GRM8: variants seen among roughly 807,000 people sequenced by gnomAD.
The protein encoded by GRM8 is glutamate metabotropic receptor 8, also known as metabotropic glutamate receptor 8.
In GRM8, 47 loss-of-function variants were observed where a neutral mutation model predicts 87.2. The ratio of observed to expected loss-of-function variants is 0.54; its 90% confidence interval spans 0.43 to 0.69. The LOEUF (loss-of-function observed/expected upper bound fraction) is 0.69. Among genes scored for constraint, GRM8 ranks in the 30% least tolerant of loss-of-function variants. GRM8 has a pLI of 0.00. For synonymous variants in GRM8, 396 were observed against 404.5 expected, an observed-to-expected ratio of 0.98 and a Z score of 0.25; for missense variants, 1,019 against 1,139.2, an observed-to-expected ratio of 0.89 and a Z score of 1.52.
intron 1 of GRM8, among the ~76,000 whole-genome samples, chr7:127,248,414 G>A (rs371766802): frequency 6.6e-6 from 1 of 152,190 alleles, no homozygotes; most frequent in Non-Finnish European, 1.5e-5. Context: ...CTTACTCCAT[G>A]CCCCATGGGG....
chr7:126,491,809 A>G (rs1808048069), intron 9 of GRM8, among the ~76,000 whole-genome samples: 1 of 152,110 alleles, frequency 6.6e-6, no homozygotes, highest in Non-Finnish European at 1.5e-5. Context: ...GTGGATGTGG[A>G]AAGGATCTCA....
chr7:126,471,506 T>C (rs1031034995), intron 9 of GRM8, among the ~76,000 whole-genome samples: 2 of 152,174 alleles, frequency 1.3e-5, no homozygotes, highest in East Asian at 1.9e-4. Context: ...GTTGTAGATA[T>C]GCGGCGTTAT....
intron 3 of GRM8, among the ~76,000 whole-genome samples, chr7:127,045,501 C>T (rs17862270): frequency 0.056 from 8,474 of 152,158 alleles, 277 homozygotes; most frequent in South Asian, 0.13. Flanking sequence ...GTATCTATAT[C>T]TACCTATCTA....
chr7:126,464,141 T>C (rs980119476), intron 9 of GRM8, among the ~76,000 whole-genome samples: 1 of 151,632 alleles, frequency 6.6e-6, no homozygotes, highest in Non-Finnish European at 1.5e-5. Flanking sequence ...AGCTCCTCCA[T>C]TACATATTAT....
intron 6 of GRM8, chr7:126,870,291 A>G (rs2130892590): frequency 6.6e-6 from 1 of 152,248 alleles, no homozygotes; most frequent in East Asian, 1.9e-4. Context: ...GACTTCCTCC[A>G]TATCAGCAGT....
At chr7:126,556,337 TAAAAAAAAAAAAA>T (rs3038820) in intron 8 of GRM8, among the ~76,000 whole-genome samples, 1 of 111,318 alleles carries the variant, frequency 9.0e-6, no homozygotes. Context: ...TTCTCCTCTT[TAAAAAAAAAAAAA>T]AAAAAAAAAA....
chr7:126,508,145 T>C (rs1810768753), intron 9 of GRM8, among the ~76,000 whole-genome samples: 1 of 152,078 alleles, frequency 6.6e-6, no homozygotes, highest in Admixed American at 6.6e-5. Flanking sequence ...ATTACATTTT[T>C]ATACCTTTGT....
rs369193903 is a variant in GRM8 at position 126,494,880 on chromosome 7, T to G, written c.2430+38072A>C. 2.0e-5 allele frequency among the ~76,000 whole-genome samples: 3 copies of G among 152,140 alleles called. No homozygotes were observed. The East Asian group carries it at 5.8e-4, about 30-fold the overall frequency. ...ATTCCCTTTGAAGAAAACTGAACAT[T>G]GGAAAATACTATATACTTGGTTAAA... On this transcript the variant is annotated intron_variant, in intron 9 of 10. Coordinates refer to ENST00000339582, the MANE Select transcript of GRM8 (RefSeq NM_000845.3).
intron 2 of GRM8, among the ~76,000 whole-genome samples, chr7:127,175,031 C>T (rs1175681800): frequency 2.0e-5 from 3 of 152,144 alleles, no homozygotes; most frequent in Admixed American, 6.5e-5. Context: ...GAGATGGCAA[C>T]TCCCTATTTG....
intron 7 of GRM8, among the ~76,000 whole-genome samples, chr7:126,617,730 A>G (rs1799667092): frequency 6.6e-6 from 1 of 152,168 alleles, no homozygotes; most frequent in Admixed American, 6.5e-5. Context: ...TTATACACCA[A>G]TAACAGACAA....
At chr7:126,926,234 C>T (rs1805101912) in intron 3 of GRM8, among the ~76,000 whole-genome samples, 2 of 152,180 alleles carry the variant, frequency 1.3e-5, no homozygotes, top group East Asian at 1.9e-4. Context: ...TAAATTATAG[C>T]TCATAGAAAT....
intron 7 of GRM8, among the ~76,000 whole-genome samples, chr7:126,627,561 A>G (rs992924041): frequency 6.6e-6 from 1 of 152,002 alleles, no homozygotes; most frequent in Non-Finnish European, 1.5e-5. Flanking sequence ...TTATTGTACT[A>G]TCTAGGACCT....
At chr7:126,968,152 A>G (rs543483855) in intron 3 of GRM8, among the ~76,000 whole-genome samples, 1 of 152,328 alleles carries the variant, frequency 6.6e-6, no homozygotes, top group South Asian at 2.1e-4. Context: ...TTATCATTGT[A>G]TCACCATCAT....
intron 3 of GRM8, among the ~76,000 whole-genome samples, chr7:127,016,633 C>G (rs1815702101): frequency 6.6e-6 from 1 of 151,994 alleles, no homozygotes; most frequent in Non-Finnish European, 1.5e-5. Context: ...AACCATTGCT[C>G]TTTCTCAATC....
rs78124913 is a variant in GRM8 at position 126,902,613 on chromosome 7, A to T, written c.1085T>A (p.Phe362Tyr). 197,165 of 1,609,216 alleles carry T rather than the reference A, an allele frequency of 0.12. 12,916 individuals are homozygous for T. Among genetic ancestry groups the T allele is most frequent in the East Asian group, 0.21 (9,405 of 44,702 alleles). The change falls in exon 6 of 11, where the codon TTC becomes TAC. Residue 362 changes from phenylalanine to tyrosine, a missense_variant. Physicochemically the swap from Phe to Tyr is conservative, Grantham distance 22. Coordinates refer to ENST00000339582, the MANE Select transcript of GRM8 (RefSeq NM_000845.3). The part of the protein sequence containing the change: ...NNRRNVWFAE[F>Y]WEENFGCKLG... ...CTTGCAGCCAAAATTCTCCTCCCAG[A>T]ATTCTGCAAACCACACATTTCTTCG... is the stretch of plus-strand genomic sequence containing the variant.
chr7:126,949,939 T>A (rs572805108), intron 3 of GRM8, among the ~76,000 whole-genome samples: 1 of 152,218 alleles, frequency 6.6e-6, no homozygotes, highest in African/African-American at 2.4e-5. Flanking sequence ...AGGAAGCCTG[T>A]AGGCTTCTGT....
chr7:126,997,802 C>T (rs1813333150), intron 3 of GRM8, among the ~76,000 whole-genome samples: 1 of 151,746 alleles, frequency 6.6e-6, no homozygotes, highest in Non-Finnish European at 1.5e-5. Context: ...AAAAGCCTGC[C>T]AGTAAAGAAA....
At chr7:126,938,940 A>T (rs542622676) in intron 3 of GRM8, among the ~76,000 whole-genome samples, 3 of 152,180 alleles carry the variant, frequency 2.0e-5, no homozygotes, top group African/African-American at 2.4e-5. Context: ...ACTTACCTAG[A>T]CTCTCTAAGC....
intron 6 of GRM8, among the ~76,000 whole-genome samples, chr7:126,785,413 T>C (rs1436216543): frequency 6.6e-6 from 1 of 152,098 alleles, no homozygotes; most frequent in African/African-American, 2.4e-5. Flanking sequence ...ACACCATTAG[T>C]TGTACTTCAT....
Sources: gnomAD v4.1 joint callset for allele counts (sites outside exome capture counted in the v4.1 genomes callset) on GRCh38, gnomAD v4.1.1 for gene constraint, MANE v1.5 for transcripts, NCBI Gene and HGNC (gene_info 2026-07-23, HGNC 2026-07-21) for gene names.